Variants in NEGR1 observed in about 807,000 individuals in gnomAD.
NEGR1 encodes IgLON family member 4.
Under a neutral mutation model 40.9 loss-of-function variants are expected in NEGR1, and 10 were observed. The observed-to-expected ratio is 0.24, with a 90% CI of 0.15 to 0.42. The LOEUF (loss-of-function observed/expected upper bound fraction) is 0.42, where lower values mean the gene tolerates loss of function less well. NEGR1 is among the 10% of genes least tolerant of loss of function. NEGR1 has a pLI of 1.00. For missense variants in NEGR1, 352 were observed against 438.9 expected, an observed-to-expected ratio of 0.80 and a Z score of 1.77; for synonymous variants, 185 against 166.8, an observed-to-expected ratio of 1.11 and a Z score of -0.84.
intron 6 of NEGR1, among the ~76,000 whole-genome samples, chr1:71,541,219 T>TA (rs1431808829): frequency 2.6e-5 from 4 of 151,564 alleles, no homozygotes; most frequent in Non-Finnish European, 5.9e-5. Flanking sequence ...AGGTTTTTTT[T>TA]AAAAAAAGAA....
chr1:71,665,196 C>A (rs555512318), intron 4 of NEGR1, among the ~76,000 whole-genome samples: 1 of 152,218 alleles, frequency 6.6e-6, no homozygotes, highest in African/African-American at 2.4e-5. Flanking sequence ...AATAATAAAG[C>A]TAATTTTTCT....
chr1:71,649,442 C>T (rs1215672973), intron 4 of NEGR1, among the ~76,000 whole-genome samples: 1 of 152,000 alleles, frequency 6.6e-6, no homozygotes, highest in African/African-American at 2.4e-5. Flanking sequence ...TGGAAACAAG[C>T]TATCTAGCAA....
intron 2 of NEGR1, among the ~76,000 whole-genome samples, chr1:71,851,252 C>T (rs963948996): frequency 1.3e-5 from 2 of 152,030 alleles, no homozygotes; most frequent in African/African-American, 4.8e-5. Context: ...ACAAATGATC[C>T]CTGGTTTATT....
At chr1:71,668,681 T>G (rs1652318893) in intron 4 of NEGR1, among the ~76,000 whole-genome samples, 1 of 152,022 alleles carries the variant, frequency 6.6e-6, no homozygotes, top group Admixed American at 6.6e-5. Context: ...GATATCTAGA[T>G]GACAACTGAT....
intron 6 of NEGR1, among the ~76,000 whole-genome samples, chr1:71,456,207 T>A (rs578165512): frequency 6.6e-6 from 1 of 152,322 alleles, no homozygotes; most frequent in African/African-American, 2.4e-5. Flanking sequence ...AAAAACCTGG[T>A]CCACAGAAGG....
chr1:71,411,640 T>G (rs1275916335), intron 6 of NEGR1, among the ~76,000 whole-genome samples: 1 of 152,090 alleles, frequency 6.6e-6, no homozygotes, highest in Non-Finnish European at 1.5e-5. Flanking sequence ...TAGGAGAGTA[T>G]GATTATTTTT....
chr1:72,169,853 G>C (rs1651896092), intron 1 of NEGR1, among the ~76,000 whole-genome samples: 1 of 152,030 alleles, frequency 6.6e-6, no homozygotes, highest in Non-Finnish European at 1.5e-5. Context: ...GAGGTGAGTA[G>C]AAAGACAAAT....
At chr1:72,112,219 T>C (rs1475185600) in intron 1 of NEGR1, among the ~76,000 whole-genome samples, 1 of 151,438 alleles carries the variant, frequency 6.6e-6, no homozygotes, top group Admixed American at 6.6e-5. Context: ...TCACTTTTTT[T>C]TTTTAATTTA....
At chr1:72,203,253 A>AG (rs1167798592) in intron 1 of NEGR1, among the ~76,000 whole-genome samples, 10 of 152,122 alleles carry the variant, frequency 6.6e-5, no homozygotes, top group Non-Finnish European at 1.3e-4. Flanking sequence ...GCTGTAATTA[A>AG]GGACATTTGT....
At position 71,405,667 on chromosome 1, in the gene NEGR1, C is replaced by CT. The variant is rs1646273813; in HGVS notation, c.*1778dup. ...CTAATTAAAATTGATTTATGATGTA[C>CT]TTTGGGACTAAGTTTTACTTGAAGA... On this transcript the variant is annotated 3_prime_UTR_variant, in exon 7 of 7. Transcript: ENST00000357731. 1 of 151,030 alleles carries CT rather than the reference C, an allele frequency of 6.6e-6. No individual in the cohort carries two copies. Among genetic ancestry groups the CT allele is most frequent in the Non-Finnish European group, 1.5e-5 (1 of 67,486 alleles). The allele number at this position is 151,030 out of a possible 1,614,324, so 9.4% of individuals were successfully genotyped here. A position where few individuals can be genotyped will look rare whatever the true frequency, so the allele number is the denominator to read the frequency against.
chr1:72,084,152 C>T (rs1195886229), intron 1 of NEGR1, among the ~76,000 whole-genome samples: 1 of 152,092 alleles, frequency 6.6e-6, no homozygotes, highest in Admixed American at 6.6e-5. Context: ...GAGCACATAG[C>T]CTTTACAGCA....
At chr1:71,615,222 C>T (rs1304684038) in intron 4 of NEGR1, among the ~76,000 whole-genome samples, 1 of 151,988 alleles carries the variant, frequency 6.6e-6, no homozygotes, top group African/African-American at 2.4e-5. Flanking sequence ...GAAAAGGATT[C>T]ATCCATTTAT....
intron 3 of NEGR1, among the ~76,000 whole-genome samples, chr1:71,712,482 T>C (rs1362878419): frequency 6.6e-6 from 1 of 152,212 alleles, no homozygotes; most frequent in African/African-American, 2.4e-5. Context: ...CATCCTATTA[T>C]ATTAGCTTTG....
At chr1:72,212,642 A>C (rs1653653228) in intron 1 of NEGR1, among the ~76,000 whole-genome samples, 1 of 152,046 alleles carries the variant, frequency 6.6e-6, no homozygotes, top group African/African-American at 2.4e-5. Flanking sequence ...GTAAAAAGCA[A>C]TAAAGAAGTA....
At chr1:72,275,135 C>T (rs533464499) in intron 1 of NEGR1, 41 of 740,548 alleles carry the variant, frequency 5.5e-5, no homozygotes, top group Admixed American at 7.6e-5. Flanking sequence ...ATTTCCCGCA[C>T]GTACGATGCC....
At chr1:72,144,038 G>A (rs1435154661) in intron 1 of NEGR1, among the ~76,000 whole-genome samples, 2 of 146,200 alleles carry the variant, frequency 1.4e-5, no homozygotes, top group South Asian at 2.1e-4. Context: ...TATTATTGAT[G>A]AAGAAGTATT....
chr1:72,171,186 T>C (rs1282920958), intron 1 of NEGR1, among the ~76,000 whole-genome samples: 1 of 152,164 alleles, frequency 6.6e-6, no homozygotes, highest in Non-Finnish European at 1.5e-5. Context: ...GCTAATTTGA[T>C]GTGGAAGAAT....
intron 4 of NEGR1, among the ~76,000 whole-genome samples, chr1:71,614,074 C>T (rs566654911): frequency 1.3e-5 from 2 of 152,084 alleles, no homozygotes; most frequent in African/African-American, 4.8e-5. Context: ...ACTTCTATTT[C>T]TCTGTGGTGT....
chr1:71,504,553 A>G (rs2101406053), intron 6 of NEGR1, among the ~76,000 whole-genome samples: 1 of 152,314 alleles, frequency 6.6e-6, no homozygotes, highest in South Asian at 2.1e-4. Flanking sequence ...AATCCCCCTC[A>G]CAACCGTTGA....
Sources: gnomAD v4.1 joint callset for allele counts (sites outside exome capture counted in the v4.1 genomes callset) on GRCh38, gnomAD v4.1.1 for gene constraint, MANE v1.5 for transcripts, NCBI Gene and HGNC (gene_info 2026-07-23, HGNC 2026-07-21) for gene names.